The following KCNH5 variants were observed in gnomAD, a reference collection of about 807,000 sequenced individuals.
KCNH5 encodes voltage-gated delayed rectifier potassium channel KCNH5.
In KCNH5, 46 loss-of-function variants were observed where a neutral mutation model predicts 96.1. The ratio of observed to expected loss-of-function variants is 0.48; its 90% CI spans 0.38 to 0.61. The LOEUF (loss-of-function observed/expected upper bound fraction) is 0.61, where lower values mean the gene tolerates loss of function less well. Among genes scored for constraint, KCNH5 ranks in the 20% least tolerant of loss-of-function variants. The pLI is 0.00. For synonymous variants in KCNH5, 439 were observed against 449.8 expected (o/e 0.98, Z 0.30); for missense variants, 907 against 1,225.8 (o/e 0.74, Z 3.88).
chr14:62,917,998 T>C (rs1761253139), intron 7 of KCNH5, among the ~76,000 whole-genome samples: 2 of 152,186 alleles, frequency 1.3e-5, no homozygotes, highest in Non-Finnish European at 2.9e-5. Context: ...TCCATCTGTC[T>C]AAAGGATCCT....
intron 1 of KCNH5, among the ~76,000 whole-genome samples, chr14:63,044,524 T>G (rs2139637609): frequency 6.6e-6 from 1 of 152,332 alleles, no homozygotes; most frequent in South Asian, 2.1e-4. Flanking sequence ...AAGAAGAAAC[T>G]TGAAGCACCA....
In KCNH5 at chr14:62,987,198, AG is replaced by A; in HGVS notation, c.434-12del. 2 of 1,579,120 alleles carry A rather than the reference AG, an allele frequency of 1.3e-6. No individual in the cohort carries two copies. Among genetic ancestry groups the A allele is most frequent in the Admixed American group, 3.3e-5 (2 of 59,804 alleles). ...CAAATTTCGTCCAACCTTAAAAATA[AG>A]GAAAGAAAGTCTCAGTTTTTCATAC... On this transcript the variant is annotated splice_polypyrimidine_tract_variant and intron_variant, in intron 4 of 10. Transcript: ENST00000322893.
chr14:62,960,337 T>G (rs1367628716), intron 6 of KCNH5, among the ~76,000 whole-genome samples: 1 of 152,168 alleles, frequency 6.6e-6, no homozygotes, highest in Non-Finnish European at 1.5e-5. Context: ...TGATTGTGCA[T>G]GTGTATCATG....
intron 8 of KCNH5, among the ~76,000 whole-genome samples, chr14:62,840,143 T>C (rs949032875): frequency 5.9e-5 from 9 of 152,216 alleles, no homozygotes; most frequent in African/African-American, 2.2e-4. Context: ...TTTCCTTCCA[T>C]ATGAATGCAA....
At chr14:63,017,059 A>G (rs1891340403) in intron 1 of KCNH5, 105 bp from the exon 2 acceptor site, 10 of 1,079,422 alleles carry the variant, frequency 9.3e-6, no homozygotes, top group Non-Finnish European at 1.3e-5. Flanking sequence ...ACATACAACT[A>G]TGGTTTGTAA....
intron 2 of KCNH5, among the ~76,000 whole-genome samples, chr14:63,007,943 A>C (rs930487535): frequency 2.0e-5 from 3 of 152,194 alleles, no homozygotes; most frequent in African/African-American, 7.2e-5. Context: ...TCTAAATAAC[A>C]AAACTTGCCC....
At chr14:62,972,357 T>C (rs1352954369) in intron 6 of KCNH5, among the ~76,000 whole-genome samples, 1 of 152,220 alleles carries the variant, frequency 6.6e-6, no homozygotes, top group Non-Finnish European at 1.5e-5. Context: ...CGCCAAGTGT[T>C]GGCAAGGATG....
At chr14:63,043,206 C>T (rs1039709664) in intron 1 of KCNH5, among the ~76,000 whole-genome samples, 1 of 152,072 alleles carries the variant, frequency 6.6e-6, no homozygotes, top group African/African-American at 2.4e-5. Flanking sequence ...TCATAGTCTG[C>T]ATAAGAAGCT....
chr14:62,878,206 G>GA (rs199657741), intron 7 of KCNH5, among the ~76,000 whole-genome samples: 9,368 of 138,262 alleles, frequency 0.068, 574 homozygotes, highest in African/African-American at 0.15. Context: ...GGGGATGGGG[G>GA]GGGGGGCGGA....
chr14:62,748,190 C>T (rs140762695), intron 10 of KCNH5, among the ~76,000 whole-genome samples: 1,750 of 152,130 alleles, frequency 0.012, 31 homozygotes, highest in African/African-American at 0.04. Context: ...CAGAGTAGGA[C>T]GTTCCTGAAA....
chr14:62,732,185 A>G (rs1457349182), intron 10 of KCNH5, among the ~76,000 whole-genome samples: 2 of 152,170 alleles, frequency 1.3e-5, no homozygotes, highest in Admixed American at 6.5e-5. Context: ...CTTCTGTATC[A>G]GGAAAACTGG....
intron 8 of KCNH5, among the ~76,000 whole-genome samples, chr14:62,813,623 AT>A (rs1226465051): frequency 6.6e-6 from 1 of 152,162 alleles, no homozygotes; most frequent in Non-Finnish European, 1.5e-5. Context: ...TGACATTTTG[AT>A]AGACATTGGA....
chr14:62,978,423 A>C (rs1679197095), intron 6 of KCNH5, among the ~76,000 whole-genome samples: 1 of 152,076 alleles, frequency 6.6e-6, no homozygotes, highest in South Asian at 2.1e-4. Flanking sequence ...CGGTCTTTGC[A>C]GCGTGATAAA....
intron 10 of KCNH5, among the ~76,000 whole-genome samples, chr14:62,720,204 T>C (rs751335086): frequency 6.6e-6 from 1 of 151,952 alleles, no homozygotes; most frequent in Non-Finnish European, 1.5e-5. Context: ...AAGGAAGATA[T>C]AGTGGGTAGC....
chr14:62,823,999 A>G (rs532646191), intron 8 of KCNH5, among the ~76,000 whole-genome samples: 1 of 152,200 alleles, frequency 6.6e-6, no homozygotes, highest in Admixed American at 6.6e-5. Flanking sequence ...GATAAAACAC[A>G]AAAAGCAAAG....
At chr14:62,947,972 C>T (rs1395541806) in intron 7 of KCNH5, among the ~76,000 whole-genome samples, 2 of 151,692 alleles carry the variant, frequency 1.3e-5, no homozygotes, top group Non-Finnish European at 2.9e-5. Context: ...TGCTATCCCT[C>T]CCCTCTCCCC....
chr14:62,950,166 T>C lies in KCNH5; in HGVS notation c.1336A>G (p.Lys446Glu), dbSNP rs754041112. ...GNIAPTTDVEKMFSVAMMMVG... is the reference protein window; with the variant it reads ...GNIAPTTDVEEMFSVAMMMVG... The stretch of plus-strand genomic sequence containing the variant: ...ATCATCATAGCCACCGAAAACATCT[T>C]CTCCACATCTGTGGTAGGAGCTATG... The change falls in exon 7 of 11, where the codon AAG becomes GAG. Residue 446 changes from lysine to glutamate, a missense_variant. Physicochemically the swap from Lys to Glu is moderately conservative, Grantham distance 56. This residue lies in a region of KCNH5 where 370 missense variants were observed against 561.3 expected (regional missense o/e 0.66). Coordinates refer to ENST00000322893, the MANE Select transcript of KCNH5 (RefSeq NM_139318.5). 1.9e-6 allele frequency: 3 copies of C among 1,613,908 alleles called. No individual in the cohort carries two copies. Among genetic ancestry groups the C allele is most frequent in the Non-Finnish European group, 2.5e-6 (3 of 1,179,910 alleles).
intron 6 of KCNH5, among the ~76,000 whole-genome samples, chr14:62,979,378 GTAA>G (rs1468662801): frequency 6.6e-6 from 1 of 151,762 alleles, no homozygotes; most frequent in African/African-American, 2.4e-5. Flanking sequence ...AATTTATAAA[GTAA>G]TAATTACATA....
chr14:63,042,160 C>T (rs1485521368), intron 1 of KCNH5, among the ~76,000 whole-genome samples: 1 of 151,856 alleles, frequency 6.6e-6, no homozygotes. Flanking sequence ...TTTCTCTCTG[C>T]TCTGTGTGTT....
Sources: allele counts gnomAD v4.1 joint callset (sites outside exome capture counted in the v4.1 genomes callset), GRCh38; gene constraint gnomAD v4.1.1; regional missense constraint gnomAD v4.1.1; transcripts MANE v1.5; gene names NCBI Gene and HGNC (gene_info 2026-07-23, HGNC 2026-07-21).